The following DMD variants were observed in gnomAD, a reference collection of about 807,000 sequenced individuals.
The protein encoded by DMD is mutant dystrophin.
DMD carries 63 observed loss-of-function variants against 330.1 expected under a neutral mutation model. The ratio of observed to expected loss-of-function variants is 0.19; its 90% CI spans 0.16 to 0.24. DMD has a LOEUF of 0.24. DMD is among the 10% of genes least tolerant of loss of function. The pLI, the probability that DMD is intolerant of heterozygous loss-of-function variation, is 1.00. For missense variants in DMD, 3,344 were observed against 2,684.1 expected (o/e 1.25, Z -5.43); for synonymous variants, 1,223 against 959.8 (o/e 1.27, Z -5.07).
chrX:31,178,643 T>C (rs1194191336), intron 70 of DMD, 26 bp downstream of exon 70: 2 of 1,193,097 alleles, frequency 1.7e-6, no homozygotes, highest in South Asian at 1.8e-5. Context: ...CAAACAAGAG[T>C]GTGTTCTGCT....
At chrX:33,317,698 T>C (rs1028486027) in intron 1 of DMD, among the ~76,000 whole-genome samples, 25 of 111,882 alleles carry the variant, frequency 2.2e-4, no homozygotes, top group African/African-American at 4.5e-4. Context: ...AAGCATATTG[T>C]CACTGCAAAA....
intron 9 of DMD, among the ~76,000 whole-genome samples, chrX:32,657,007 T>G (rs910173966): frequency 1.1e-5 from 1 of 95,082 alleles, no homozygotes; most frequent in Non-Finnish European, 2.0e-5. Context: ...GTATACCAAC[T>G]TATATGTGTG....
intron 7 of DMD, among the ~76,000 whole-genome samples, chrX:32,782,890 C>T (rs1206980552): frequency 5.7e-5 from 6 of 105,472 alleles, no homozygotes. Flanking sequence ...TATATATATA[C>T]ATATACACAT....
At chrX:32,243,624 G>C (rs1014605515) in intron 43 of DMD, among the ~76,000 whole-genome samples, 3 of 111,627 alleles carry the variant, frequency 2.7e-5, no homozygotes, top group Non-Finnish European at 5.7e-5. Flanking sequence ...TATAATAAAA[G>C]AATTAGGTAG....
chrX:33,010,631 G>A (rs2093684563), intron 2 of DMD, among the ~76,000 whole-genome samples: 3 of 111,114 alleles, frequency 2.7e-5, no homozygotes, highest in African/African-American at 9.8e-5. Flanking sequence ...TGCTCAATCA[G>A]TATCAGATTG....
chrX:31,837,159 A>G (rs920944770), intron 48 of DMD, among the ~76,000 whole-genome samples: 1 of 112,410 alleles, frequency 8.9e-6, no homozygotes, highest in East Asian at 2.8e-4. Flanking sequence ...AATAATCTCA[A>G]TAATCCTAAT....
intron 1 of DMD, among the ~76,000 whole-genome samples, chrX:33,072,892 T>C (rs1376103143): frequency 8.9e-6 from 1 of 111,899 alleles, no homozygotes; most frequent in Non-Finnish European, 1.9e-5. Flanking sequence ...TACTTATTAT[T>C]TGGACCTCCT....
intron 43 of DMD, among the ~76,000 whole-genome samples, chrX:32,265,192 G>T (rs900949866): frequency 8.9e-5 from 10 of 111,786 alleles, no homozygotes; most frequent in East Asian, 5.7e-4. Flanking sequence ...GCTATGTGCA[G>T]CCTAGGGACT....
intron 48 of DMD, among the ~76,000 whole-genome samples, chrX:31,859,952 G>A (rs2093673438): frequency 9.0e-6 from 1 of 111,501 alleles, no homozygotes; most frequent in South Asian, 3.7e-4. Context: ...CCATCCCCTG[G>A]GCATTATAGT....
chrX:33,240,203 G>A (rs751980317), intron 1 of DMD, among the ~76,000 whole-genome samples: 7 of 111,190 alleles, frequency 6.3e-5, no homozygotes, highest in Non-Finnish European at 1.3e-4. Flanking sequence ...TTATTTAACC[G>A]TTATCTTCAT....
chrX:31,716,676 T>C (rs1242498470), intron 52 of DMD, among the ~76,000 whole-genome samples: 1 of 111,480 alleles, frequency 9.0e-6, no homozygotes, highest in Non-Finnish European at 1.9e-5. Flanking sequence ...CTGAGAAATT[T>C]TAAGTCCCAT....
At chrX:32,380,466 T>A (rs2097920170) in intron 34 of DMD, 44 bp downstream of exon 34, 1 of 1,146,728 alleles carries the variant, frequency 8.7e-7, no homozygotes, top group African/African-American at 1.8e-5. Context: ...ATATTATGTG[T>A]TTTCACGTAT....
chrX:32,653,096 C>A (rs12008981), intron 9 of DMD, among the ~76,000 whole-genome samples: 1 of 111,255 alleles, frequency 9.0e-6, no homozygotes, highest in African/African-American at 3.3e-5. Flanking sequence ...AATTTTCTCC[C>A]ATTCTGTAGG....
At chrX:31,889,620 GTCTCTCTCTCTC>G (rs34605571) in intron 47 of DMD, among the ~76,000 whole-genome samples, 46 of 80,558 alleles carry the variant, frequency 5.7e-4, no homozygotes, top group African/African-American at 2.0e-3. Context: ...CTCTCTCTCT[GTCTCTCTCTCTC>G]TCTCTCTCTC....
At chrX:33,066,657 T>C (rs2094666409) in intron 1 of DMD, among the ~76,000 whole-genome samples, 1 of 109,901 alleles carries the variant, frequency 9.1e-6, no homozygotes, top group Non-Finnish European at 1.9e-5. Context: ...AGAGGATAGA[T>C]GATGCCCATT....
intron 44 of DMD, among the ~76,000 whole-genome samples, chrX:32,196,995 A>AC (rs1569550299): frequency 9.7e-6 from 1 of 103,170 alleles, no homozygotes; most frequent in East Asian, 3.0e-4. Context: ...TCAAAAAAAA[A>AC]AAAAAAAAAA....
chrX:32,802,371 A>G (rs769828963), intron 7 of DMD, among the ~76,000 whole-genome samples: 1 of 111,898 alleles, frequency 8.9e-6, no homozygotes, highest in African/African-American at 3.2e-5. Context: ...GACTTTGTTG[A>G]CACTGCCTAT....
intron 43 of DMD, among the ~76,000 whole-genome samples, chrX:32,269,110 G>A (rs2097355857): frequency 9.0e-6 from 1 of 110,988 alleles, no homozygotes; most frequent in Non-Finnish European, 1.9e-5. Context: ...TCCCGCGTGC[G>A]CACTAAGAGG....
intron 33 of DMD, 55 bp downstream of exon 33, chrX:32,386,255 T>G: frequency 1.7e-6 from 2 of 1,189,417 alleles, no homozygotes; most frequent in Non-Finnish European, 2.3e-6. Context: ...GCCCGTTGCT[T>G]TACAATTTAT....
Sources: allele counts gnomAD v4.1 joint callset (sites outside exome capture counted in the v4.1 genomes callset), GRCh38; gene constraint gnomAD v4.1.1; transcripts MANE v1.5; gene names NCBI Gene and HGNC (gene_info 2026-07-23, HGNC 2026-07-21).